The following CYP7B1 variants were observed in gnomAD, a reference collection of about 807,000 sequenced individuals.
CYP7B1 encodes cytochrome P450 7B1.
In CYP7B1, 29 loss-of-function variants were observed where a neutral mutation model predicts 42.7. The ratio of observed to expected loss-of-function variants is 0.68; its 90% CI spans 0.51 to 0.93. The LOEUF (loss-of-function observed/expected upper bound fraction) is 0.93. Among genes scored for constraint, CYP7B1 ranks in the 40% least tolerant of loss-of-function variants. The pLI, the probability that CYP7B1 is intolerant of heterozygous loss-of-function variation, is 0.00. For synonymous variants in CYP7B1, 235 were observed against 218.2 expected (o/e 1.08, Z -0.68); for missense variants, 655 against 600.5 (o/e 1.09, Z -0.95).
At chr8:64,601,511 C>T (rs911846960) in intron 5 of CYP7B1, among the ~76,000 whole-genome samples, 1 of 152,150 alleles carries the variant, frequency 6.6e-6, no homozygotes, top group African/African-American at 2.4e-5. Flanking sequence ...CTGTATCTTG[C>T]ATTGTGGCAG....
chr8:64,751,733 C>T (rs1259296326), intron 1 of CYP7B1, among the ~76,000 whole-genome samples: 1 of 152,136 alleles, frequency 6.6e-6, no homozygotes, highest in East Asian at 1.9e-4. Flanking sequence ...AGTGCTTACC[C>T]TTGTCTGAAT....
At chr8:64,636,763 G>A (rs1805779530) in intron 1 of CYP7B1, among the ~76,000 whole-genome samples, 2 of 152,162 alleles carry the variant, frequency 1.3e-5, no homozygotes, top group Admixed American at 1.3e-4. Context: ...GCTCTGAAGT[G>A]CACTGGATCT....
rs1201350211 is a variant in CYP7B1 at position 64,593,270 on chromosome 8, T to A, written c.*3372A>T. ...GTGTGTGTGTGTGTGTGTGTGTGTGTGTGTGTGTGTGTGTGTAATCCAAGG... is the reference window on the plus strand; with the variant it reads ...GTGTGTGTGTGTGTGTGTGTGTGTGAGTGTGTGTGTGTGTGTAATCCAAGG... On this transcript the variant is annotated 3_prime_UTR_variant, in exon 6 of 6. Transcript: ENST00000310193. Among the ~76,000 whole-genome samples, 1 of 150,836 alleles carries A rather than the reference T, an allele frequency of 6.6e-6. No homozygotes were observed. The highest frequency in any genetic ancestry group is 6.6e-5 in the Admixed American group (1 of 15,130).
chr8:64,624,951 C>CTTTTTTTTTTTTTTTTTTTTTTTTTTT lies in CYP7B1; in HGVS notation c.123-439_123-413dup, dbSNP rs71260892. On this transcript the variant is annotated intron_variant, in intron 1 of 5. Coordinates refer to ENST00000310193, the MANE Select transcript of CYP7B1 (RefSeq NM_004820.5). ...AGTCCCCAAAGTCCATTATATCATT[C>CTTTTTTTTTTTTTTTTTTTTTTTTTTT]TTTTTTTTTTTTTTTTTTTTTTTTT... Among the ~76,000 whole-genome samples the CTTTTTTTTTTTTTTTTTTTTTTTTTTT allele has an allele frequency of 3.7e-5, 2 of 54,022 alleles. 1 individual carries two copies. Among genetic ancestry groups the CTTTTTTTTTTTTTTTTTTTTTTTTTTT allele is most frequent in the African/African-American group, 2.1e-4 (2 of 9,638 alleles). The allele number at this position is 54,022 out of a possible 152,430, so 35.4% of individuals were successfully genotyped here.
rs57590025 is a variant in CYP7B1 at position 64,593,232 on chromosome 8, GGTGTGTGTGTGTGT to G, written c.*3396_*3409del. Among the ~76,000 whole-genome samples the G allele has an allele frequency of 0.052, 6,398 of 123,298 alleles. 196 individuals are homozygous for G. The highest frequency in any genetic ancestry group is 0.079 in the Middle Eastern group (19 of 242). The allele number at this position is 123,298 out of a possible 152,430, so 80.9% of individuals were successfully genotyped here. ...TGGTGGACTAAAGGCTAGGGCCCAG[GGTGTGTGTGTGTGT>G]GTGTGTGTGTGTGTGTGTGTGTGTG... On this transcript the variant is annotated 3_prime_UTR_variant, in exon 6 of 6. Transcript: ENST00000310193.
chr8:64,599,302 C>T (rs1171873932), intron 5 of CYP7B1, among the ~76,000 whole-genome samples: 2 of 152,102 alleles, frequency 1.3e-5, no homozygotes, highest in Non-Finnish European at 2.9e-5. Context: ...CATTCTCCTG[C>T]CTCAGCCTCC....
rs1352617627 is a variant in CYP7B1, at chr8:64,674,991, T to C, written c.123-50452A>G. On this transcript the variant is annotated intron_variant, in intron 1 of 5. Transcript: ENST00000310193. The stretch of plus-strand genomic sequence containing the variant: ...ATAGCAATTATTAAATGATGTGCTG[T>C]AAAACAGTGATACTTTCAGTCCACT... Among the ~76,000 whole-genome samples the C allele has an allele frequency of 2.0e-5, 3 of 152,162 alleles. No homozygotes were observed. The South Asian group carries it at 6.2e-4, about 32-fold the overall frequency.
chr8:64,673,687 T>C (rs1806400168), intron 1 of CYP7B1, among the ~76,000 whole-genome samples: 1 of 152,092 alleles, frequency 6.6e-6, no homozygotes, highest in South Asian at 2.1e-4. Context: ...CTGAGTAAGA[T>C]ATTAGCCACC....
At chr8:64,700,889 A>C (rs1190031175) in intron 1 of CYP7B1, among the ~76,000 whole-genome samples, 3 of 151,932 alleles carry the variant, frequency 2.0e-5, no homozygotes. Flanking sequence ...CACTATTTAG[A>C]CATCAATATG....
chr8:64,636,534 T>C (rs1462224559), intron 1 of CYP7B1, among the ~76,000 whole-genome samples: 1 of 152,152 alleles, frequency 6.6e-6, no homozygotes, highest in South Asian at 2.1e-4. Flanking sequence ...CTCCTGACCC[T>C]TTTTTCCTGA....
chr8:64,605,472 C>G (rs115758860), intron 4 of CYP7B1, among the ~76,000 whole-genome samples: 374 of 152,304 alleles, frequency 2.5e-3, no homozygotes, highest in African/African-American at 5.9e-3. Context: ...CAGGCACCAT[C>G]ATATCCTGGA....
At chr8:64,745,766 CT>C (rs1444273102) in intron 1 of CYP7B1, among the ~76,000 whole-genome samples, 2 of 152,166 alleles carry the variant, frequency 1.3e-5, no homozygotes, top group Non-Finnish European at 2.9e-5. Context: ...CCACCACAAT[CT>C]TTTCAGATCA....
At chr8:64,721,935 T>C (rs1188794084) in intron 1 of CYP7B1, among the ~76,000 whole-genome samples, 4 of 152,188 alleles carry the variant, frequency 2.6e-5, no homozygotes, top group Non-Finnish European at 5.9e-5. Flanking sequence ...AATTTGATTA[T>C]TGTTAATCAG....
At chr8:64,796,102 A>G (rs1397525471) in intron 1 of CYP7B1, among the ~76,000 whole-genome samples, 1 of 152,238 alleles carries the variant, frequency 6.6e-6, no homozygotes. Context: ...ATAAAAATGT[A>G]ATCTATGTAT....
chr8:64,647,616 A>T (rs186628289), intron 1 of CYP7B1, among the ~76,000 whole-genome samples: 1 of 152,328 alleles, frequency 6.6e-6, no homozygotes, highest in East Asian at 1.9e-4. Flanking sequence ...CCTGAGAACC[A>T]GGGGGAGCTG....
intron 1 of CYP7B1, among the ~76,000 whole-genome samples, chr8:64,689,517 G>T (rs10081461): frequency 6.6e-6 from 1 of 151,968 alleles, no homozygotes; most frequent in South Asian, 2.1e-4. Flanking sequence ...TGTTTTTATA[G>T]GTTATATGCA....
intron 1 of CYP7B1, among the ~76,000 whole-genome samples, chr8:64,643,971 CAA>C (rs1217155079): frequency 6.6e-6 from 1 of 152,162 alleles, no homozygotes; most frequent in Non-Finnish European, 1.5e-5. Context: ...TTGAACCTCT[CAA>C]AGTCACCTAT....
chr8:64,778,180 T>TAC (rs1226774946), intron 1 of CYP7B1, among the ~76,000 whole-genome samples: 2 of 145,904 alleles, frequency 1.4e-5, no homozygotes, highest in Non-Finnish European at 3.0e-5. Context: ...TTGAAATATA[T>TAC]ATATATATAT....
At chr8:64,606,011 A>G (rs1805273741) in intron 4 of CYP7B1, among the ~76,000 whole-genome samples, 1 of 152,250 alleles carries the variant, frequency 6.6e-6, no homozygotes, top group African/African-American at 2.4e-5. Flanking sequence ...AAATCTATGC[A>G]CAGCCTGCAT....
Sources: allele counts gnomAD v4.1 joint callset (sites outside exome capture counted in the v4.1 genomes callset), GRCh38; gene constraint gnomAD v4.1.1; transcripts MANE v1.5; gene names NCBI Gene and HGNC (gene_info 2026-07-23, HGNC 2026-07-21).